Variants in EPHA6 observed in about 807,000 individuals in gnomAD.
EPHA6 encodes EPH receptor A6.
A neutral mutation model predicts 112.0 loss-of-function variants in EPHA6; 50 were observed. The ratio of observed to expected loss-of-function variants is 0.45; its 90% CI spans 0.36 to 0.56. The LOEUF is 0.56. Among genes scored for constraint, EPHA6 ranks in the 20% least tolerant of loss-of-function variants. The probability of loss-of-function intolerance (pLI) is 0.00; values close to 1 mark genes in which losing one functional copy is unlikely to be tolerated. For synonymous variants in EPHA6, 529 were observed against 490.7 expected (o/e 1.08, Z -1.03); for missense variants, 1,280 against 1,417.4 (o/e 0.90, Z 1.56).
intron 1 of EPHA6, among the ~76,000 whole-genome samples, chr3:96,837,584 A>C (rs1423380228): frequency 2.0e-5 from 3 of 152,064 alleles, no homozygotes; most frequent in Non-Finnish European, 4.4e-5. Context: ...GGCAGTCCTA[A>C]ACTGTTTACC....
intron 2 of EPHA6, among the ~76,000 whole-genome samples, chr3:96,983,043 C>T (rs1022484937): frequency 1.3e-5 from 2 of 152,086 alleles, no homozygotes; most frequent in South Asian, 2.1e-4. Context: ...GAGCATTTAG[C>T]CCATTTACAT....
chr3:97,234,494 A>G (rs1237442083), intron 4 of EPHA6, among the ~76,000 whole-genome samples: 2 of 152,192 alleles, frequency 1.3e-5, no homozygotes, highest in Non-Finnish European at 2.9e-5. Flanking sequence ...AGTAAACTGC[A>G]TAAGAAAAAT....
At chr3:97,035,428 GC>G (rs1335275588) in intron 3 of EPHA6, among the ~76,000 whole-genome samples, 1 of 151,824 alleles carries the variant, frequency 6.6e-6, no homozygotes, top group Non-Finnish European at 1.5e-5. Flanking sequence ...TTTACATAGT[GC>G]CCTCTTATCA....
At chr3:97,211,933 G>A (rs929891723) in intron 3 of EPHA6, among the ~76,000 whole-genome samples, 15 of 152,124 alleles carry the variant, frequency 9.9e-5, no homozygotes, top group African/African-American at 2.7e-4. Context: ...TTATCAAAGT[G>A]CCTGGCTCAT....
intron 3 of EPHA6, chr3:96,994,256 T>A: frequency 2.7e-6 from 1 of 374,828 alleles, no homozygotes; most frequent in East Asian, 4.4e-5. Flanking sequence ...AGTATTTTAG[T>A]CCTCTTTCAA....
chr3:97,647,186 C>G (rs2094071529), intron 14 of EPHA6, among the ~76,000 whole-genome samples: 1 of 152,050 alleles, frequency 6.6e-6, no homozygotes, highest in Non-Finnish European at 1.5e-5. Context: ...CTGGGTTGGT[C>G]CAAGGCCACT....
At chr3:97,717,821 C>T (rs563534403) in intron 14 of EPHA6, among the ~76,000 whole-genome samples, 43 of 152,172 alleles carry the variant, frequency 2.8e-4, no homozygotes, top group East Asian at 7.7e-4. Context: ...AAAGTGATAA[C>T]GTTGTCACTT....
chr3:97,097,296 G>C (rs1576481866), intron 3 of EPHA6, among the ~76,000 whole-genome samples: 1 of 151,618 alleles, frequency 6.6e-6, no homozygotes, highest in South Asian at 2.1e-4. Context: ...AAATAATTGA[G>C]CCATCAAGAT....
At chr3:97,202,457 T>A (rs1244649645) in intron 3 of EPHA6, among the ~76,000 whole-genome samples, 1 of 151,908 alleles carries the variant, frequency 6.6e-6, no homozygotes, top group Non-Finnish European at 1.5e-5. Flanking sequence ...CAAGTCTCCA[T>A]GGTACCTGAG....
intron 14 of EPHA6, among the ~76,000 whole-genome samples, chr3:97,656,968 T>C (rs1333264763): frequency 6.6e-6 from 1 of 151,884 alleles, no homozygotes; most frequent in Non-Finnish European, 1.5e-5. Flanking sequence ...TTAATCAGTG[T>C]ATAATATGTG....
chr3:96,935,645 T>C (rs2040539538), intron 2 of EPHA6, among the ~76,000 whole-genome samples: 1 of 148,574 alleles, frequency 6.7e-6, no homozygotes, highest in Non-Finnish European at 1.5e-5. Flanking sequence ...CTAAATATTA[T>C]ATATATTTAT....
intron 7 of EPHA6, among the ~76,000 whole-genome samples, chr3:97,471,664 A>G (rs989865685): frequency 6.6e-6 from 1 of 151,688 alleles, no homozygotes; most frequent in Admixed American, 6.6e-5. Flanking sequence ...CGTACATTGT[A>G]TAGCTACACT....
chr3:97,370,459 T>C (rs992990384), intron 5 of EPHA6, among the ~76,000 whole-genome samples: 1 of 152,144 alleles, frequency 6.6e-6, no homozygotes, highest in African/African-American at 2.4e-5. Flanking sequence ...ATTATGGAGA[T>C]ATCCAGCAAG....
chr3:96,884,308 C>A (rs920667827), intron 2 of EPHA6, among the ~76,000 whole-genome samples: 3 of 152,054 alleles, frequency 2.0e-5, no homozygotes, highest in Non-Finnish European at 4.4e-5. Flanking sequence ...TTGCTTTTGG[C>A]AACATGGTCA....
chr3:97,191,937 A>T (rs1436612841), intron 3 of EPHA6, among the ~76,000 whole-genome samples: 1 of 152,128 alleles, frequency 6.6e-6, no homozygotes, highest in African/African-American at 2.4e-5. Context: ...GTACTAATTT[A>T]CATTCCTGCA....
chr3:97,496,505 T>C (rs2091980971), intron 10 of EPHA6, among the ~76,000 whole-genome samples: 1 of 152,200 alleles, frequency 6.6e-6, no homozygotes, highest in Non-Finnish European at 1.5e-5. Flanking sequence ...AGTAATCTTA[T>C]GTTATAGCTC....
intron 3 of EPHA6, among the ~76,000 whole-genome samples, chr3:97,018,067 A>G (rs923155447): frequency 1.3e-5 from 2 of 150,730 alleles, no homozygotes; most frequent in South Asian, 2.1e-4. Flanking sequence ...CAAACCTGCT[A>G]TTGAAAGACT....
At chr3:97,490,659 G>A (rs1577559211) in intron 10 of EPHA6, among the ~76,000 whole-genome samples, 1 of 152,308 alleles carries the variant, frequency 6.6e-6, no homozygotes, top group South Asian at 2.1e-4. Flanking sequence ...AGATGAGAAA[G>A]ACCCACATAT....
chr3:97,324,451 T>TTCTA (rs1491451841), intron 5 of EPHA6, among the ~76,000 whole-genome samples: 1 of 148,608 alleles, frequency 6.7e-6, no homozygotes, highest in Non-Finnish European at 1.5e-5. Context: ...CTTTCTTTCT[T>TTCTA]TCTTTCTTTC....
Sources: gnomAD v4.1 joint callset for allele counts (sites outside exome capture counted in the v4.1 genomes callset) on GRCh38, gnomAD v4.1.1 for gene constraint, MANE v1.5 for transcripts, NCBI Gene and HGNC (gene_info 2026-07-23, HGNC 2026-07-21) for gene names.